The following RANGAP1 variants were observed in gnomAD, a reference collection of about 807,000 sequenced individuals.
RANGAP1 encodes Ran GTPase activating protein 1, also known as ran GTPase-activating protein 1.
A neutral mutation model predicts 63.5 loss-of-function variants in RANGAP1; 38 were observed. The ratio of observed to expected loss-of-function variants is 0.60; its 90% CI spans 0.46 to 0.78. The LOEUF is 0.78. Among genes scored for constraint, RANGAP1 ranks in the 30% least tolerant of loss-of-function variants. The pLI, the probability that RANGAP1 is intolerant of heterozygous loss-of-function variation, is 0.00. For missense variants in RANGAP1, 630 were observed against 740.3 expected (o/e 0.85, Z 1.73); for synonymous variants, 329 against 310.5 (o/e 1.06, Z -0.63).
Position 41,257,544 on chromosome 22 carries a change from G to T in RANGAP1, c.774+404C>A, listed in dbSNP as rs1218833301. Among the ~76,000 whole-genome samples the T allele has an allele frequency of 1.3e-5, 2 of 152,242 alleles. No individual in the cohort carries two copies. Among genetic ancestry groups the T allele is most frequent in the African/African-American group, 4.8e-5 (2 of 41,464 alleles). ...GTGGGAGGATCACTTGATCCCAGAA[G>T]TTCAAGACCAGCTTGGGCAACAGTA... On this transcript the variant is annotated intron_variant, in intron 7 of 15. Coordinates refer to ENST00000356244, the MANE Select transcript of RANGAP1 (RefSeq NM_002883.4). The surrounding 1 kb of genome is among the most constrained non-coding windows in gnomAD (Gnocchi z 4.0).
chr22:41,251,134 G>GGCCTGTGGCACGTGGTGGAGAGGT (rs1238754900), intron 12 of RANGAP1, 25 bp from the exon 13 acceptor site: 3 of 1,597,684 alleles, frequency 1.9e-6, no homozygotes, highest in East Asian at 2.2e-5. Flanking sequence ...GACAATGGTT[G>GGCCTGTGGCACGTGGTGGAGAGGT]GCCTGTGGCA....
intron 2 of RANGAP1, among the ~76,000 whole-genome samples, chr22:41,280,294 A>G (rs375806538): frequency 6.6e-6 from 1 of 152,186 alleles, no homozygotes; most frequent in African/African-American, 2.4e-5. Context: ...CCAGAATCCC[A>G]GGAGGCCTCA....
intron 2 of RANGAP1, among the ~76,000 whole-genome samples, chr22:41,277,166 C>T (rs2035201254): frequency 6.8e-6 from 1 of 146,272 alleles, no homozygotes; most frequent in Non-Finnish European, 1.5e-5. Context: ...CAAGCTCCGC[C>T]TCCCGGGTTC....
At chr22:41,251,591 A>C (rs1171065788) in intron 12 of RANGAP1, among the ~76,000 whole-genome samples, 1 of 150,522 alleles carries the variant, frequency 6.6e-6, no homozygotes, top group Non-Finnish European at 1.5e-5. Flanking sequence ...GCACCACTGC[A>C]CTCCAGCCGG....
chr22:41,288,804 G>A (rs1003619), upstream of RANGAP1, among the ~76,000 whole-genome samples: 5 of 151,732 alleles, frequency 3.3e-5, no homozygotes, highest in African/African-American at 1.2e-4. Flanking sequence ...GTGGGGCTTG[G>A]GGGGAGTTAG....
At chr22:41,299,406 A>G in the RANGAP1 span, among the ~76,000 whole-genome samples, 1 of 151,910 alleles carries the variant, frequency 6.6e-6, no homozygotes, top group Non-Finnish European at 1.5e-5. Context: ...TGCTAGGATT[A>G]CAGGCCTGAG....
chr22:41,299,489 G>C, the RANGAP1 span, among the ~76,000 whole-genome samples: 46 of 152,072 alleles, frequency 3.0e-4, 1 homozygote, highest in East Asian at 8.5e-3. Flanking sequence ...TGCTGGTCTC[G>C]AACTCCTAAC....
chr22:41,296,449 C>CA, the RANGAP1 span, among the ~76,000 whole-genome samples: 2 of 152,022 alleles, frequency 1.3e-5, no homozygotes, highest in Non-Finnish European at 2.9e-5. Flanking sequence ...GAGTTCAAGA[C>CA]CAGTCTGGCC....
rs776983184 is a variant in RANGAP1 at position 41,281,041 on chromosome 22, C to T, written c.4G>A (p.Ala2Thr). 2 of 1,599,316 alleles carry T rather than the reference C, an allele frequency of 1.3e-6. No individual in the cohort carries two copies. The highest frequency in any genetic ancestry group is 3.6e-4 in the Middle Eastern group (2 of 5,508). M[A>T]SEDIAKLAET... ...GCCAGCTTGGCAATGTCTTCCGAGGCCATGTTGACTAGGCTGGTGGGCTCC... is the reference window on the plus strand; with the variant it reads ...GCCAGCTTGGCAATGTCTTCCGAGGTCATGTTGACTAGGCTGGTGGGCTCC... Residue 2 changes from alanine (A) to threonine (T), a missense_variant, in exon 2 of 16, where the codon GCC becomes ACC. Ala to Thr is a moderately conservative substitution (Grantham distance 58). Coordinates refer to ENST00000356244, the MANE Select transcript of RANGAP1 (RefSeq NM_002883.4).
intron 2 of RANGAP1, among the ~76,000 whole-genome samples, chr22:41,278,405 C>T (rs1446201296): frequency 2.6e-5 from 4 of 152,230 alleles, no homozygotes; most frequent in Non-Finnish European, 4.4e-5. Context: ...ATACCACCTC[C>T]CTAAACCTCA....
chr22:41,247,766 C>T (rs530157239), intron 15 of RANGAP1, among the ~76,000 whole-genome samples: 2 of 152,378 alleles, frequency 1.3e-5, no homozygotes, highest in African/African-American at 4.8e-5. Context: ...GACAACACCT[C>T]TGGCCTGAAG....
the RANGAP1 span, among the ~76,000 whole-genome samples, chr22:41,300,428 TCACACA>T: frequency 0.056 from 2,016 of 36,200 alleles, 139 homozygotes; most frequent in Admixed American, 0.093. Flanking sequence ...TATTGGGAAC[TCACACA>T]CACACACACA....
At chr22:41,249,597 C>A (rs763607654) in intron 14 of RANGAP1, 132 bp downstream of exon 14, 7 of 1,529,014 alleles carry the variant, frequency 4.6e-6, no homozygotes, top group Non-Finnish European at 6.2e-6. Flanking sequence ...TGGGGCAGAC[C>A]CAGGCCTCGG....
In RANGAP1 at chr22:41,257,797, A is replaced by G; in HGVS notation, c.774+151T>C. ...TGGGACCTGCAACCCTGTTCAGGAC[A>G]TGTTCAAAGAGCTGGAGCCATGGGG... On this transcript the variant is annotated intron_variant, in intron 7 of 15. Transcript: ENST00000356244. This position sits in a 1 kb window ranked among gnomAD's most constrained non-coding sequence, Gnocchi z 4.0. 1 of 959,934 alleles carries G rather than the reference A, an allele frequency of 1.0e-6. No individual in the cohort carries two copies. The highest frequency in any genetic ancestry group is 1.5e-6 in the Non-Finnish European group (1 of 677,450). The allele number at this position is 959,934 out of a possible 1,614,324, so 59.5% of individuals were successfully genotyped here.
rs1267680258 is a variant in RANGAP1 at position 41,244,995 on chromosome 22, A to G, written c.*1608T>C. The stretch of plus-strand genomic sequence containing the variant: ...CTAGATGCCTCATCTAAATGGAATC[A>G]TATTTGTCCTTTTGTGTCTGGCTTA... On this transcript the variant is annotated 3_prime_UTR_variant, in exon 16 of 16. Transcript: ENST00000356244. Among the ~76,000 whole-genome samples the G allele has an allele frequency of 2.0e-5, 3 of 152,128 alleles. No individual in the cohort carries two copies. Among genetic ancestry groups the G allele is most frequent in the African/African-American group, 7.2e-5 (3 of 41,432 alleles).
At chr22:41,254,161 C>T (rs2033659414) in intron 11 of RANGAP1, 147 bp downstream of exon 11, 2 of 802,296 alleles carry the variant, frequency 2.5e-6, no homozygotes. Flanking sequence ...GACCATTTTC[C>T]TTTTTTTACT....
At chr22:41,288,404 G>A (rs1221318272), upstream of RANGAP1, among the ~76,000 whole-genome samples, 1 of 152,170 alleles carries the variant, frequency 6.6e-6, no homozygotes, top group Non-Finnish European at 1.5e-5. Flanking sequence ...TCTTCTCTGG[G>A]CCTGGCCTGT....
the RANGAP1 span, among the ~76,000 whole-genome samples, chr22:41,297,322 G>C: frequency 6.6e-6 from 1 of 152,132 alleles, no homozygotes; most frequent in Non-Finnish European, 1.5e-5. Context: ...TCATCAACTG[G>C]TTGGATGAGG....
At position 41,254,964 on chromosome 22, in the gene RANGAP1, T is replaced by C. The variant is rs144817483; in HGVS notation, c.1074-470A>G. Among the ~76,000 whole-genome samples, 651 of 144,510 alleles carry C rather than the reference T, an allele frequency of 4.5e-3. 7 individuals carry two copies. The highest frequency in any genetic ancestry group is 0.015 in the African/African-American group (597 of 39,010). 94.8% of individuals were successfully genotyped at this position (144,510 alleles called of 152,430 possible). A position where few individuals can be genotyped will look rare whatever the true frequency, so the allele number is the denominator to read the frequency against. On this transcript the variant is annotated intron_variant, in intron 10 of 15. Coordinates refer to ENST00000356244, the MANE Select transcript of RANGAP1 (RefSeq NM_002883.4). ...TCTAGCCTGGGCAACAGAGCGAGAC[T>C]CCATCCCCCACAAAAAAACAAAAAA... is the stretch of plus-strand genomic sequence containing the variant.
Sources: gnomAD v4.1 joint callset for allele counts (sites outside exome capture counted in the v4.1 genomes callset) on GRCh38, gnomAD v4.1.1 for gene constraint, Gnocchi (gnomAD v3.1) non-coding constraint, MANE v1.5 for transcripts, NCBI Gene and HGNC (gene_info 2026-07-23, HGNC 2026-07-21) for gene names.